Variants in LYRM4 observed in about 807,000 individuals in gnomAD.
LYRM4 encodes LYR motif-containing protein 4.
LYRM4 carries 9 observed loss-of-function variants against 11.7 expected under a neutral mutation model. The observed-to-expected ratio is 0.77, with a 90% CI of 0.46 to 1.34. The LOEUF is 1.34. LYRM4 is among the 40% of genes most tolerant of loss of function. LYRM4 has a pLI of 0.00. For missense variants in LYRM4, 133 were observed against 112.5 expected (o/e 1.18, Z -0.82); for synonymous variants, 42 against 40.4 (o/e 1.04, Z -0.15).
At chr6:5,127,829 ATTTAT>A (rs893360231) in intron 2 of LYRM4, among the ~76,000 whole-genome samples, 5 of 152,008 alleles carry the variant, frequency 3.3e-5, no homozygotes, top group Non-Finnish European at 7.4e-5. Flanking sequence ...TTTCATTTTT[ATTTAT>A]TTTTAGTGGG....
At chr6:5,199,641 C>T (rs1442391029) in intron 2 of LYRM4, among the ~76,000 whole-genome samples, 1 of 152,156 alleles carries the variant, frequency 6.6e-6, no homozygotes, top group Admixed American at 6.5e-5. Flanking sequence ...ACAGGCTGAA[C>T]CTTGAATGGC....
At chr6:5,209,857 G>T (rs1581511990) in intron 2 of LYRM4, among the ~76,000 whole-genome samples, 1 of 152,178 alleles carries the variant, frequency 6.6e-6, no homozygotes, top group South Asian at 2.1e-4. Context: ...ATTAAGATGG[G>T]GCTTGGGAAA....
At chr6:5,206,878 GT>G (rs1561870547) in intron 2 of LYRM4, among the ~76,000 whole-genome samples, 1 of 4,016 alleles carries the variant, frequency 2.5e-4, no homozygotes, top group African/African-American at 3.3e-4. Flanking sequence ...ACCAATCCAT[GT>G]AACTGACCAA....
At chr6:5,144,410 G>A in intron 2 of LYRM4, 1 of 802,316 alleles carries the variant, frequency 1.2e-6, no homozygotes, top group Non-Finnish European at 2.0e-6. Context: ...GGCTGAGGCG[G>A]GCAGATCACA....
downstream of LYRM4, chr6:5,104,825 A>C (rs1762612514): frequency 6.6e-6 from 1 of 152,074 alleles, no homozygotes. Context: ...TGCAGCCCTC[A>C]GGCCTGGTCT....
chr6:5,109,620 T>TA, intron 2 of LYRM4, 129 bp from the exon 3 acceptor site: 1 of 891,216 alleles, frequency 1.1e-6, no homozygotes, highest in South Asian at 1.5e-5. Flanking sequence ...TTCCGGCAAC[T>TA]GCACTGCGGG....
chr6:5,168,623 A>C (rs1759230632), intron 2 of LYRM4, among the ~76,000 whole-genome samples: 1 of 152,090 alleles, frequency 6.6e-6, no homozygotes, highest in African/African-American at 2.4e-5. Context: ...GAGCCAATGG[A>C]CTGACCCTTT....
chr6:5,047,474 C>G, the LYRM4 span, among the ~76,000 whole-genome samples: 1 of 152,212 alleles, frequency 6.6e-6, no homozygotes, highest in East Asian at 1.9e-4. Flanking sequence ...GATGAGGTCT[C>G]CTCATATTCC....
rs1762005612 is a variant in LYRM4 at position 5,211,871 on chromosome 6, G to A, written c.207+4747C>T. ...ATGATCTTAATTCATTTGTTCAGGG[G>A]AATCTCATTAGAATCCAGAAACCCA... is the stretch of plus-strand genomic sequence containing the variant. On this transcript the variant is annotated intron_variant, in intron 2 of 2. Transcript: ENST00000330636. Among the ~76,000 whole-genome samples, 3 of 152,302 alleles carry A rather than the reference G, an allele frequency of 2.0e-5. No homozygotes were observed. In the South Asian group the frequency reaches 6.2e-4, roughly 32 times the overall value.
intron 2 of LYRM4, among the ~76,000 whole-genome samples, chr6:5,171,466 C>A (rs1366730273): frequency 6.6e-6 from 1 of 152,222 alleles, no homozygotes; most frequent in Non-Finnish European, 1.5e-5. Context: ...GAGAAAGACA[C>A]ACCAACATCA....
the LYRM4 span, chr6:5,086,272 G>A: frequency 2.0e-6 from 3 of 1,535,562 alleles, no homozygotes; most frequent in South Asian, 1.2e-5. Flanking sequence ...CTTCCTGGAC[G>A]TGCCGGCTGA....
At chr6:5,052,000 CCTCCA>C in the LYRM4 span, among the ~76,000 whole-genome samples, 1 of 152,112 alleles carries the variant, frequency 6.6e-6, no homozygotes, top group East Asian at 1.9e-4. Flanking sequence ...GAAGTGTCTG[CCTCCA>C]TAACCCAAAC....
At chr6:5,048,290 G>GGGGTGT in the LYRM4 span, among the ~76,000 whole-genome samples, 5 of 140,058 alleles carry the variant, frequency 3.6e-5, no homozygotes, top group Admixed American at 7.2e-5. Flanking sequence ...GACACTTTGT[G>GGGGTGT]GTGTGTGTGT....
intron 2 of LYRM4, among the ~76,000 whole-genome samples, chr6:5,139,158 T>A (rs1000978633): frequency 2.0e-5 from 3 of 152,202 alleles, no homozygotes; most frequent in Admixed American, 1.3e-4. Context: ...CTGGAGAGCA[T>A]AAGTAGCTTG....
intron 2 of LYRM4, among the ~76,000 whole-genome samples, chr6:5,122,315 G>A (rs1477824552): frequency 3.9e-5 from 6 of 152,080 alleles, no homozygotes; most frequent in Admixed American, 3.3e-4. Flanking sequence ...TCCAGATGGC[G>A]GGTAGCATTG....
intron 2 of LYRM4, among the ~76,000 whole-genome samples, chr6:5,166,847 T>G (rs1006281402): frequency 6.6e-6 from 1 of 152,356 alleles, no homozygotes; most frequent in East Asian, 1.9e-4. Context: ...TCCTTCGATA[T>G]AAGTTGTTAT....
At chr6:5,045,363 C>T in the LYRM4 span, among the ~76,000 whole-genome samples, 29 of 152,060 alleles carry the variant, frequency 1.9e-4, no homozygotes, top group African/African-American at 6.8e-4. Flanking sequence ...AAGCCAGGCA[C>T]AAAAGGACAA....
chr6:5,237,747 C>A (rs1487556869), intron 1 of LYRM4, among the ~76,000 whole-genome samples: 4 of 152,154 alleles, frequency 2.6e-5, no homozygotes, highest in Non-Finnish European at 4.4e-5. Context: ...CAAGGACCTG[C>A]AATTTTGGTT....
the LYRM4 span, among the ~76,000 whole-genome samples, chr6:5,098,323 G>C: frequency 1.3e-5 from 2 of 152,230 alleles, no homozygotes; most frequent in Non-Finnish European, 2.9e-5. Context: ...ACGTGGCTCT[G>C]CTCTGCTCGG....
Sources: allele counts gnomAD v4.1 joint callset (sites outside exome capture counted in the v4.1 genomes callset), GRCh38; gene constraint gnomAD v4.1.1; transcripts MANE v1.5; gene names NCBI Gene and HGNC (gene_info 2026-07-23, HGNC 2026-07-21).